Variants in KCNG3 observed in about 807,000 individuals in gnomAD.
KCNG3 encodes potassium voltage-gated channel modifier subfamily G member 3.
A neutral mutation model predicts 29.0 loss-of-function variants in KCNG3; 15 were observed. The observed-to-expected ratio is 0.52, with a 90% CI of 0.35 to 0.80. KCNG3 has a LOEUF of 0.80. Ranked by LOEUF, KCNG3 falls within the 30% of genes least tolerant of loss-of-function variation. The pLI is 0.01. For missense variants in KCNG3, 512 were observed against 605.7 expected (o/e 0.85, Z 1.62); for synonymous variants, 322 against 248.9 (o/e 1.29, Z -2.76).
chr2:42,469,503 C>G lies in KCNG3; in HGVS notation c.665+23334G>C, dbSNP rs370021693. Among the ~76,000 whole-genome samples, 16 of 151,800 alleles carry G rather than the reference C, an allele frequency of 1.1e-4. No homozygotes were observed. The East Asian group carries it at 2.3e-3, about 22-fold the overall frequency. On this transcript the variant is annotated intron_variant, in intron 1 of 1. Transcript: ENST00000306078. ...AAGATAAATGGCAAATGAGGCTCTT[C>G]AGATTAGTGAAGTACATACTGGACT... is the stretch of plus-strand genomic sequence containing the variant.
At chr2:42,483,994 G>A (rs1436544068) in intron 1 of KCNG3, among the ~76,000 whole-genome samples, 1 of 152,118 alleles carries the variant, frequency 6.6e-6, no homozygotes, top group Non-Finnish European at 1.5e-5. Context: ...TGTTGCCCAG[G>A]CTGGTCTCGA....
chr2:42,399,681 T>C, the KCNG3 span, among the ~76,000 whole-genome samples: 1 of 151,916 alleles, frequency 6.6e-6, no homozygotes, highest in Non-Finnish European at 1.5e-5. Context: ...AGAAGAGAAA[T>C]TTCTGAAGAG....
chr2:42,482,760 C>T lies in KCNG3; in HGVS notation c.665+10077G>A, dbSNP rs543404879. Among the ~76,000 whole-genome samples the T allele has an allele frequency of 4.1e-4, 63 of 151,930 alleles. No individual in the cohort carries two copies. The Middle Eastern group carries it at 0.021, about 50-fold the overall frequency. On this transcript the variant is annotated intron_variant, in intron 1 of 1. Transcript: ENST00000306078. ...AAAACAAAAACACTCTAGATGGTGA[C>T]GGTTGCACAATCTTGTAAATATCCC...
intron 1 of KCNG3, among the ~76,000 whole-genome samples, chr2:42,449,167 A>G (rs1338942223): frequency 6.6e-6 from 1 of 151,890 alleles, no homozygotes; most frequent in African/African-American, 2.4e-5. Flanking sequence ...TGAATGTATC[A>G]CTCAATTGTG....
intron 1 of KCNG3, among the ~76,000 whole-genome samples, chr2:42,474,656 C>G (rs1673378579): frequency 6.6e-6 from 1 of 152,152 alleles, no homozygotes; most frequent in South Asian, 2.1e-4. Context: ...TACTTCTTCT[C>G]ATATATTTCT....
At chr2:42,400,762 A>G in the KCNG3 span, among the ~76,000 whole-genome samples, 1 of 152,086 alleles carries the variant, frequency 6.6e-6, no homozygotes, top group Non-Finnish European at 1.5e-5. Context: ...GCAAAAAAAG[A>G]TTATCCCACT....
chr2:42,416,440 G>A, the KCNG3 span, among the ~76,000 whole-genome samples: 2,424 of 152,070 alleles, frequency 0.016, 81 homozygotes, highest in African/African-American at 0.055. Flanking sequence ...AACAAGATGC[G>A]GTCTAAAACA....
At chr2:42,486,128 T>C (rs538863426) in intron 1 of KCNG3, among the ~76,000 whole-genome samples, 1 of 152,252 alleles carries the variant, frequency 6.6e-6, no homozygotes, top group Non-Finnish European at 1.5e-5. Flanking sequence ...GCAGATCCTG[T>C]AGAAAAAGAA....
intron 1 of KCNG3, among the ~76,000 whole-genome samples, chr2:42,479,133 C>A (rs776070440): frequency 7.6e-4 from 115 of 152,232 alleles, no homozygotes; most frequent in Non-Finnish European, 6.9e-4. Flanking sequence ...ATCTGTAGCA[C>A]CTATCTCCTG....
At chr2:42,389,800 C>T in the KCNG3 span, among the ~76,000 whole-genome samples, 1 of 152,212 alleles carries the variant, frequency 6.6e-6, no homozygotes, top group African/African-American at 2.4e-5. Flanking sequence ...CAGTCCAGGA[C>T]ACCACACCAT....
chr2:42,454,183 C>T (rs1672827292), intron 1 of KCNG3, among the ~76,000 whole-genome samples: 1 of 150,628 alleles, frequency 6.6e-6, no homozygotes, highest in African/African-American at 2.4e-5. Context: ...CTATGCATAA[C>T]AGTATGGAGG....
chr2:42,389,469 A>G, the KCNG3 span, among the ~76,000 whole-genome samples: 1 of 152,226 alleles, frequency 6.6e-6, no homozygotes, highest in East Asian at 1.9e-4. Flanking sequence ...ATACATTTCT[A>G]AAGATTTTAA....
chr2:42,453,340 C>T lies in KCNG3; in HGVS notation c.666-8761G>A, dbSNP rs186049222. Among the ~76,000 whole-genome samples the T allele has an allele frequency of 7.2e-3, 1,092 of 152,296 alleles. 25 individuals are homozygous for T. The highest frequency in any genetic ancestry group is 4.9e-3 in the Non-Finnish European group (336 of 68,018). ...TAACAGTGTATGAGGGATCCCTTTT[C>T]TCCACATCCTCGCCAGCATTTGTTA... On this transcript the variant is annotated intron_variant, in intron 1 of 1. Coordinates refer to ENST00000306078, the MANE Select transcript of KCNG3 (RefSeq NM_133329.6).
At chr2:42,397,989 C>T in the KCNG3 span, among the ~76,000 whole-genome samples, 1 of 151,952 alleles carries the variant, frequency 6.6e-6, no homozygotes, top group African/African-American at 2.4e-5. Flanking sequence ...TTTGGGAGGC[C>T]GAGGCAGGCA....
intron 1 of KCNG3, among the ~76,000 whole-genome samples, chr2:42,472,890 G>GAT (rs35812622): frequency 0.21 from 26,548 of 123,596 alleles, 3,576 homozygotes; most frequent in East Asian, 0.55. Context: ...TCTATCGATA[G>GAT]ATATATATAT....
At chr2:42,488,123 A>AACC (rs1673775064) in intron 1 of KCNG3, among the ~76,000 whole-genome samples, 1 of 152,222 alleles carries the variant, frequency 6.6e-6, no homozygotes, top group African/African-American at 2.4e-5. Flanking sequence ...AAGAATGGAG[A>AACC]AAGGCTTAGT....
the KCNG3 span, among the ~76,000 whole-genome samples, chr2:42,418,146 A>T: frequency 6.6e-6 from 1 of 152,078 alleles, no homozygotes; most frequent in Non-Finnish European, 1.5e-5. Context: ...AATTATTCCA[A>T]ACAGAAACTC....
chr2:42,485,050 T>G (rs1388247885), intron 1 of KCNG3, among the ~76,000 whole-genome samples: 2 of 152,232 alleles, frequency 1.3e-5, no homozygotes, highest in Non-Finnish European at 2.9e-5. Flanking sequence ...AGTATTGAAC[T>G]GAAAGGCAAT....
chr2:42,453,380 G>C (rs1252941111), intron 1 of KCNG3, among the ~76,000 whole-genome samples: 3 of 152,098 alleles, frequency 2.0e-5, no homozygotes, highest in Non-Finnish European at 4.4e-5. Flanking sequence ...CTGTCTTTTG[G>C]ATGAAAGCCA....
Sources: allele counts gnomAD v4.1 joint callset (sites outside exome capture counted in the v4.1 genomes callset), GRCh38; gene constraint gnomAD v4.1.1; transcripts MANE v1.5; gene names NCBI Gene and HGNC (gene_info 2026-07-23, HGNC 2026-07-21).